Variants in PTGER3 observed in about 807,000 individuals in gnomAD.
PTGER3 encodes prostaglandin E receptor 3.
In PTGER3, 22 loss-of-function variants were observed where a neutral mutation model predicts 34.7. The ratio of observed to expected loss-of-function variants is 0.63; its 90% CI spans 0.45 to 0.91. PTGER3 has a LOEUF of 0.91. Ranked by LOEUF, PTGER3 falls within the 40% of genes least tolerant of loss-of-function variation. The probability of loss-of-function intolerance (pLI) is 0.00; values close to 1 mark genes in which losing one functional copy is unlikely to be tolerated. For missense variants in PTGER3, 468 were observed against 519.4 expected, an observed-to-expected ratio of 0.90 and a Z score of 0.96; for synonymous variants, 241 against 230.1, an observed-to-expected ratio of 1.05 and a Z score of -0.43.
Position 70,971,142 on chromosome 1 carries a change from C to A in PTGER3, c.*588G>T, listed in dbSNP as rs1653036908. ...CATAACTAGAATTGAGACTTAGGAACTTTTAGTTCCATGCTAAGCCCACAG... is the reference window on the plus strand; with the variant it reads ...CATAACTAGAATTGAGACTTAGGAAATTTTAGTTCCATGCTAAGCCCACAG... On this transcript the variant is annotated 3_prime_UTR_variant, in exon 4 of 4. Coordinates refer to ENST00000306666, the MANE Select transcript of PTGER3 (RefSeq NM_198719.2). 1.0e-6 allele frequency: 1 copy of A among 985,238 alleles called. No individual in the cohort carries two copies. The highest frequency in any genetic ancestry group is 1.7e-5 in the African/African-American group (1 of 57,220). The allele number at this position is 985,238 out of a possible 1,614,324, so 61.0% of individuals were successfully genotyped here.
intron 4 of PTGER3, among the ~76,000 whole-genome samples, chr1:70,863,196 T>C (rs1645966316): frequency 6.6e-6 from 1 of 152,006 alleles, no homozygotes; most frequent in Non-Finnish European, 1.5e-5. Context: ...GAACAAATGC[T>C]CTCCCATGTT....
At chr1:70,924,118 A>G (rs1271304556) in intron 4 of PTGER3, among the ~76,000 whole-genome samples, 5 of 152,048 alleles carry the variant, frequency 3.3e-5, no homozygotes, top group Non-Finnish European at 1.5e-5. Flanking sequence ...AATTTACCCA[A>G]CTTGTAGGTA....
intron 4 of PTGER3, among the ~76,000 whole-genome samples, chr1:70,904,197 C>A (rs1207556113): frequency 1.3e-5 from 2 of 152,158 alleles, no homozygotes; most frequent in East Asian, 3.9e-4. Flanking sequence ...TGAGGCCTCC[C>A]CAGCCACATG....
chr1:71,025,174 T>TTCTTTCCTACC (rs1658814560), intron 1 of PTGER3, among the ~76,000 whole-genome samples: 1 of 117,484 alleles, frequency 8.5e-6, no homozygotes, highest in Non-Finnish European at 1.8e-5. Context: ...CTTTCCTTCC[T>TTCTTTCCTACC]TTTTTTCCTT....
At chr1:70,901,788 T>C (rs1028684237) in intron 4 of PTGER3, among the ~76,000 whole-genome samples, 1 of 152,194 alleles carries the variant, frequency 6.6e-6, no homozygotes, top group Non-Finnish European at 1.5e-5. Flanking sequence ...AAATTCAATC[T>C]TCTGTTTACT....
At chr1:70,937,351 C>A (rs1168128163) in intron 4 of PTGER3, among the ~76,000 whole-genome samples, 1 of 152,126 alleles carries the variant, frequency 6.6e-6, no homozygotes, top group Non-Finnish European at 1.5e-5. Flanking sequence ...TAATGGACAT[C>A]ATTTATTTGG....
chr1:70,996,635 G>GTT (rs1367498330), intron 2 of PTGER3, among the ~76,000 whole-genome samples: 1 of 38,860 alleles, frequency 2.6e-5, no homozygotes, highest in Non-Finnish European at 4.7e-5. Flanking sequence ...TAATTTTTTT[G>GTT]TATTTTTATT....
chr1:70,987,888 C>G (rs1655071479), intron 2 of PTGER3, among the ~76,000 whole-genome samples: 1 of 152,162 alleles, frequency 6.6e-6, no homozygotes, highest in African/African-American at 2.4e-5. Flanking sequence ...ATGTGTAAGA[C>G]ACTGTGCTAG....
intron 4 of PTGER3, among the ~76,000 whole-genome samples, chr1:70,927,332 C>A (rs111291096): frequency 1.3e-5 from 2 of 151,992 alleles, no homozygotes; most frequent in Non-Finnish European, 2.9e-5. Flanking sequence ...TGGTTGGAAC[C>A]TACAGATAGA....
intron 4 of PTGER3, among the ~76,000 whole-genome samples, chr1:70,928,302 C>T (rs555139438): frequency 5.6e-4 from 84 of 150,456 alleles, no homozygotes; most frequent in Admixed American, 1.8e-3. Flanking sequence ...GGTTAAAATA[C>T]CTTTGATTAC....
chr1:70,904,599 C>T (rs1239731039), intron 4 of PTGER3, among the ~76,000 whole-genome samples: 1 of 152,180 alleles, frequency 6.6e-6, no homozygotes, highest in Non-Finnish European at 1.5e-5. Flanking sequence ...AGACTGGCTA[C>T]ATTTTTCCCC....
intron 1 of PTGER3, among the ~76,000 whole-genome samples, chr1:71,031,623 T>C (rs768445435): frequency 3.7e-4 from 56 of 152,192 alleles, no homozygotes; most frequent in Non-Finnish European, 7.6e-4. Flanking sequence ...CACAGAGGCA[T>C]GCAGCAAACA....
intron 4 of PTGER3, among the ~76,000 whole-genome samples, chr1:70,926,754 G>C (rs1648132787): frequency 1.3e-5 from 2 of 151,800 alleles, no homozygotes; most frequent in African/African-American, 4.9e-5. Flanking sequence ...TCCCTGTCTT[G>C]TGCCAGTTTT....
intron 4 of PTGER3, among the ~76,000 whole-genome samples, chr1:70,853,825 G>A (rs150211674): frequency 3.9e-5 from 6 of 152,118 alleles, no homozygotes; most frequent in Admixed American, 2.6e-4. Flanking sequence ...CCTTGTGCAC[G>A]CACTCAATCA....
intron 4 of PTGER3, among the ~76,000 whole-genome samples, chr1:70,916,161 A>G (rs1219942688): frequency 1.3e-5 from 2 of 152,092 alleles, no homozygotes; most frequent in African/African-American, 4.8e-5. Context: ...CATCAGATAA[A>G]TGCAAATCAA....
In PTGER3 at chr1:71,047,046, G is replaced by C; in HGVS notation, c.532C>G (p.Leu178Val). The change falls in exon 1 of 4, where the codon CTG (leucine) becomes GTG (valine). Residue 178 changes from leucine (L) to valine (V), a missense_variant. By Grantham distance (32) the Leu-to-Val change is conservative. This residue lies in a region of PTGER3 where 204 missense variants were observed against 230.8 expected (regional missense o/e 0.88). Coordinates refer to ENST00000306666, the MANE Select transcript of PTGER3 (RefSeq NM_198719.2). The part of the protein sequence containing the change: ...HMKTRATRAV[L>V]LGVWLAVLAF... ...AGCACGGCCAGCCACACGCCGAGCA[G>C]CACAGCGCGGGTGGCACGCGTCTTC... The C allele has an allele frequency of 6.2e-7, 1 of 1,611,826 alleles. No individual in the cohort carries two copies. The highest frequency in any genetic ancestry group is 8.5e-7 in the Non-Finnish European group (1 of 1,179,414).
intron 4 of PTGER3, among the ~76,000 whole-genome samples, chr1:70,892,547 A>G (rs1295665393): frequency 6.6e-6 from 1 of 152,134 alleles, no homozygotes; most frequent in East Asian, 1.9e-4. Context: ...TTCTTCCTCT[A>G]CATATTGTAA....
chr1:70,903,627 G>A (rs1646885740), intron 4 of PTGER3, among the ~76,000 whole-genome samples: 1 of 152,064 alleles, frequency 6.6e-6, no homozygotes, highest in Admixed American at 6.6e-5. Context: ...TCAGTCCTCA[G>A]AGCTACCACT....
At chr1:70,922,590 A>T (rs1647639766) in intron 4 of PTGER3, among the ~76,000 whole-genome samples, 1 of 152,136 alleles carries the variant, frequency 6.6e-6, no homozygotes, top group African/African-American at 2.4e-5. Flanking sequence ...CCACACTAGT[A>T]CATAATTAAA....
Sources: allele counts gnomAD v4.1 joint callset (sites outside exome capture counted in the v4.1 genomes callset), GRCh38; gene constraint gnomAD v4.1.1; regional missense constraint gnomAD v4.1.1; transcripts MANE v1.5; gene names NCBI Gene and HGNC (gene_info 2026-07-23, HGNC 2026-07-21).